PTPRT: variants seen among roughly 807,000 people sequenced by gnomAD.
PTPRT encodes the protein receptor-type tyrosine-protein phosphatase T.
In PTPRT, 56 loss-of-function variants were observed where a neutral mutation model predicts 176.8. The observed-to-expected ratio is 0.32, with a 90% CI of 0.26 to 0.40. The LOEUF is 0.40. Among genes scored for constraint, PTPRT ranks in the 10% least tolerant of loss-of-function variants. The pLI is 1.00. For missense variants in PTPRT, 1,540 were observed against 1,908.2 expected (o/e 0.81, Z 3.60); for synonymous variants, 783 against 739.0 (o/e 1.06, Z -0.96).
chr20:42,884,687 A>G (rs895872391), intron 2 of PTPRT, among the ~76,000 whole-genome samples: 5 of 152,302 alleles, frequency 3.3e-5, no homozygotes, highest in Middle Eastern at 3.4e-3. Flanking sequence ...GTGCACTGAC[A>G]GGGGAGACTG....
intron 1 of PTPRT, among the ~76,000 whole-genome samples, chr20:42,890,070 T>A (rs1242562866): frequency 6.6e-6 from 1 of 152,168 alleles, no homozygotes; most frequent in African/African-American, 2.4e-5. Flanking sequence ...CCATATCCCA[T>A]AATGAAACAA....
intron 1 of PTPRT, among the ~76,000 whole-genome samples, chr20:42,918,448 A>G (rs1978922821): frequency 1.3e-5 from 2 of 152,168 alleles, no homozygotes; most frequent in Admixed American, 6.5e-5. Context: ...ACATTAACCA[A>G]TCTGACTGGA....
At chr20:42,172,407 C>T (rs1490007739) in intron 16 of PTPRT, among the ~76,000 whole-genome samples, 3 of 152,276 alleles carry the variant, frequency 2.0e-5, no homozygotes, top group African/African-American at 7.2e-5. Flanking sequence ...ACATTTTTAG[C>T]CCAGGCTTAG....
chr20:42,186,735 T>TA (rs1266872185), intron 16 of PTPRT, among the ~76,000 whole-genome samples: 1 of 151,956 alleles, frequency 6.6e-6, no homozygotes, highest in Non-Finnish European at 1.5e-5. Context: ...TATGAAAAAA[T>TA]AGACTACAGA....
Position 42,106,791 on chromosome 20 carries a change from T to A in PTPRT, c.3385A>T (p.Thr1129Ser), listed in dbSNP as rs1986489201. ...LRAQRVNLVQ[T>S]EEQYVFVHDA... ...CTTGGCCCCCTAGGACTCACCTCTG[T>A]CTGTACCAGGTTGACCCTTTGGGCC... is the stretch of plus-strand genomic sequence containing the variant. The change falls in exon 24 of 31, where the codon ACA (threonine) becomes TCA (serine). Residue 1129 changes from threonine to serine, a missense_variant. Transcript: ENST00000373187. 1.2e-6 allele frequency: 2 copies of A among 1,613,920 alleles called. No individual in the cohort carries two copies. The highest frequency in any genetic ancestry group is 8.5e-7 in the Non-Finnish European group (1 of 1,179,882).
chr20:42,324,960 CCTAT>C (rs1398827030), intron 11 of PTPRT, among the ~76,000 whole-genome samples: 1 of 152,164 alleles, frequency 6.6e-6, no homozygotes, highest in Non-Finnish European at 1.5e-5. Context: ...GACCTATTGT[CCTAT>C]CTGTCTGTCT....
chr20:42,121,318 A>G (rs1297689184), intron 19 of PTPRT, among the ~76,000 whole-genome samples: 1 of 152,258 alleles, frequency 6.6e-6, no homozygotes, highest in Non-Finnish European at 1.5e-5. Context: ...AGAGCAATCA[A>G]CAGCCCTACT....
intron 6 of PTPRT, among the ~76,000 whole-genome samples, chr20:42,719,960 A>G (rs1215412709): frequency 6.6e-6 from 1 of 152,224 alleles, no homozygotes; most frequent in African/African-American, 2.4e-5. Context: ...GGCCTCCGCC[A>G]TGAACTCACA....
chr20:43,073,031 A>G (rs1463268008), intron 1 of PTPRT, among the ~76,000 whole-genome samples: 2 of 152,222 alleles, frequency 1.3e-5, no homozygotes, highest in Non-Finnish European at 2.9e-5. Flanking sequence ...AAGACTTCCA[A>G]GCAGCCTTAT....
chr20:42,952,737 A>C (rs887123167), intron 1 of PTPRT, among the ~76,000 whole-genome samples: 2 of 152,176 alleles, frequency 1.3e-5, no homozygotes, highest in Non-Finnish European at 2.9e-5. Flanking sequence ...GCACTATTCC[A>C]TTTGGTCCAC....
At chr20:42,043,371 G>T in the PTPRT span, among the ~76,000 whole-genome samples, 1 of 152,172 alleles carries the variant, frequency 6.6e-6, no homozygotes, top group Non-Finnish European at 1.5e-5. Flanking sequence ...TCTCCTGATG[G>T]ATATATAGGA....
At chr20:42,607,234 T>C (rs1292477188) in intron 7 of PTPRT, among the ~76,000 whole-genome samples, 1 of 152,198 alleles carries the variant, frequency 6.6e-6, no homozygotes, top group Non-Finnish European at 1.5e-5. Flanking sequence ...AGAGTCTCCA[T>C]TTTGCAAGAA....
intron 10 of PTPRT, among the ~76,000 whole-genome samples, chr20:42,351,205 C>T (rs897697110): frequency 6.6e-6 from 1 of 151,666 alleles, no homozygotes; most frequent in African/African-American, 2.4e-5. Flanking sequence ...GTAATTTAGC[C>T]ATTTGTAGTA....
chr20:43,009,600 T>C (rs1224692101), intron 1 of PTPRT, among the ~76,000 whole-genome samples: 1 of 152,122 alleles, frequency 6.6e-6, no homozygotes, highest in African/African-American at 2.4e-5. Context: ...TCAAGGGAAC[T>C]TGGAGGCAGG....
chr20:42,761,154 G>A (rs779355133), intron 5 of PTPRT, among the ~76,000 whole-genome samples: 6 of 152,152 alleles, frequency 3.9e-5, no homozygotes, highest in Non-Finnish European at 7.3e-5. Flanking sequence ...GAATTCTCAG[G>A]CCAGGCACGG....
intron 2 of PTPRT, among the ~76,000 whole-genome samples, chr20:42,823,422 T>C (rs2077935410): frequency 6.6e-6 from 1 of 151,620 alleles, no homozygotes; most frequent in African/African-American, 2.4e-5. Flanking sequence ...ACTTAGAGGA[T>C]GGGTCAATAG....
chr20:42,945,519 A>T (rs1362608932), intron 1 of PTPRT, among the ~76,000 whole-genome samples: 3 of 152,130 alleles, frequency 2.0e-5, no homozygotes, highest in African/African-American at 7.2e-5. Context: ...AAGAGACAAA[A>T]CCCCAGCGGA....
rs188212681 is a variant in PTPRT, at chr20:43,000,324, A to G, written c.89-114392T>C. 8.6e-4 allele frequency among the ~76,000 whole-genome samples: 131 copies of G among 152,318 alleles called. 1 individual carries two copies. The highest frequency in any genetic ancestry group is 6.8e-3 in the Middle Eastern group (2 of 294). ...TTCAGAATAAGTAAGAGACCTGAAA[A>G]TATACACTTCCATTCCAAAACGAGT... On this transcript the variant is annotated intron_variant, in intron 1 of 30. Coordinates refer to ENST00000373187, the MANE Select transcript of PTPRT (RefSeq NM_007050.6).
intron 11 of PTPRT, among the ~76,000 whole-genome samples, chr20:42,324,975 T>G (rs1444019919): frequency 6.6e-6 from 1 of 152,210 alleles, no homozygotes; most frequent in Admixed American, 6.5e-5. Flanking sequence ...CTGTCTGTCT[T>G]TTATACATTT....
Sources: allele counts gnomAD v4.1 joint callset (sites outside exome capture counted in the v4.1 genomes callset), GRCh38; gene constraint gnomAD v4.1.1; transcripts MANE v1.5; gene names NCBI Gene and HGNC (gene_info 2026-07-23, HGNC 2026-07-21).